Variants in RTN1 observed in about 807,000 individuals in gnomAD.
The protein encoded by RTN1 is reticulon-1.
Under a neutral mutation model 65.5 loss-of-function variants are expected in RTN1, and 25 were observed. The observed-to-expected ratio is 0.38, with a 90% CI of 0.28 to 0.53. RTN1 has a LOEUF of 0.53. Among genes scored for constraint, RTN1 ranks in the 20% least tolerant of loss-of-function variants. The pLI, the probability that RTN1 is intolerant of heterozygous loss-of-function variation, is 0.79. For missense variants in RTN1, 983 were observed against 1,025.4 expected, an observed-to-expected ratio of 0.96 and a Z score of 0.57; for synonymous variants, 471 against 447.6, an observed-to-expected ratio of 1.05 and a Z score of -0.66.
At chr14:59,799,245 T>C (rs1279949299) in intron 1 of RTN1, among the ~76,000 whole-genome samples, 3 of 152,314 alleles carry the variant, frequency 2.0e-5, no homozygotes, top group South Asian at 2.1e-4. Context: ...AAATACCTTA[T>C]AGAATGAGAA....
chr14:59,602,964 C>G, intron 8 of RTN1, 101 bp downstream of exon 8: 1 of 796,378 alleles, frequency 1.3e-6, no homozygotes, highest in South Asian at 1.9e-5. Flanking sequence ...GACCATAAAT[C>G]AATCTATCAT....
chr14:59,663,931 C>G (rs1425230432), intron 3 of RTN1, among the ~76,000 whole-genome samples: 1 of 152,008 alleles, frequency 6.6e-6, no homozygotes, highest in Non-Finnish European at 1.5e-5. Flanking sequence ...GATCTAGAAC[C>G]AGAAACATCA....
chr14:59,675,352 G>A, intron 3 of RTN1, among the ~76,000 whole-genome samples: 1 of 151,214 alleles, frequency 6.6e-6, no homozygotes, highest in East Asian at 1.9e-4. Context: ...AAAGACAGAA[G>A]TCAGAATGCT....
intron 3 of RTN1, among the ~76,000 whole-genome samples, chr14:59,683,785 A>G (rs1883790633): frequency 6.6e-6 from 1 of 152,086 alleles, no homozygotes. Context: ...TAGTCAGATA[A>G]GAGTTTTGGG....
chr14:59,712,745 C>T (rs1884450065), intron 3 of RTN1, among the ~76,000 whole-genome samples: 1 of 152,048 alleles, frequency 6.6e-6, no homozygotes, highest in African/African-American at 2.4e-5. Context: ...AACCCTGTCT[C>T]TACTAAAAAT....
At chr14:59,668,525 T>C (rs1212654409) in intron 3 of RTN1, among the ~76,000 whole-genome samples, 1 of 152,106 alleles carries the variant, frequency 6.6e-6, no homozygotes, top group Non-Finnish European at 1.5e-5. Flanking sequence ...GGCAATACCA[T>C]TCAGGACATA....
At chr14:59,833,576 C>G (rs35490507) in intron 1 of RTN1, among the ~76,000 whole-genome samples, 43,452 of 151,850 alleles carry the variant, frequency 0.29, 6,438 homozygotes, top group East Asian at 0.55. Context: ...GTACAGGTTT[C>G]TTACATGGGT....
At chr14:59,842,145 G>GAAAAAAAAAAA (rs747807111) in intron 1 of RTN1, among the ~76,000 whole-genome samples, 1 of 124,314 alleles carries the variant, frequency 8.0e-6, no homozygotes. Flanking sequence ...TTTTAAAAAA[G>GAAAAAAAAAAA]AAAAAAAAAA....
At chr14:59,733,178 G>T (rs547852106) in intron 2 of RTN1, among the ~76,000 whole-genome samples, 1 of 151,394 alleles carries the variant, frequency 6.6e-6, no homozygotes, top group African/African-American at 2.4e-5. Flanking sequence ...TGTAACCTCC[G>T]CCTCCCGGGT....
intron 1 of RTN1, among the ~76,000 whole-genome samples, chr14:59,824,234 G>A (rs1300774436): frequency 2.0e-5 from 3 of 152,112 alleles, no homozygotes; most frequent in South Asian, 2.1e-4. Context: ...TAAGTTTTAT[G>A]TATTCTAATA....
intron 3 of RTN1, among the ~76,000 whole-genome samples, chr14:59,623,493 G>A (rs1195751499): frequency 1.3e-5 from 2 of 152,236 alleles, no homozygotes; most frequent in African/African-American, 4.8e-5. Context: ...GGGATCAAAG[G>A]AAGAGATGGT....
chr14:59,767,387 T>A (rs557140605), intron 1 of RTN1, among the ~76,000 whole-genome samples: 1 of 152,166 alleles, frequency 6.6e-6, no homozygotes, highest in South Asian at 2.1e-4. Flanking sequence ...CCCAAAGGGG[T>A]GATGAGCAGA....
intron 3 of RTN1, among the ~76,000 whole-genome samples, chr14:59,676,492 C>T (rs561219112): frequency 5.9e-5 from 9 of 152,028 alleles, no homozygotes; most frequent in African/African-American, 9.7e-5. Context: ...GAAGCATTAA[C>T]GAAATTATGT....
At position 59,794,948 on chromosome 14, in the gene RTN1, A is replaced by C. The variant is rs964283508; in HGVS notation, c.242-48467T>G. ...GATACTGGAGGAAACCTAGCAGCTT[A>C]TGTACCTTGAACTTTACACAGATTG... On this transcript the variant is annotated intron_variant, in intron 1 of 8. Coordinates refer to ENST00000267484, the MANE Select transcript of RTN1 (RefSeq NM_021136.3). The surrounding 1 kb of genome is among the most constrained non-coding windows in gnomAD (Gnocchi z 5.1). Among the ~76,000 whole-genome samples the C allele has an allele frequency of 6.6e-6, 1 of 152,216 alleles. No homozygotes were observed. Among genetic ancestry groups the C allele is most frequent in the Non-Finnish European group, 1.5e-5 (1 of 68,044 alleles).
Position 59,805,065 on chromosome 14 carries a change from T to C in RTN1, c.242-58584A>G, listed in dbSNP as rs117875710. Among the ~76,000 whole-genome samples, 150 of 152,330 alleles carry C rather than the reference T, an allele frequency of 9.8e-4. 2 individuals carry two copies. The East Asian group carries it at 0.025, about 25-fold the overall frequency. On this transcript the variant is annotated intron_variant, in intron 1 of 8. Transcript: ENST00000267484. ...CCAAACACATTCCCGTCTTGAGGAC[T>C]TTGCACTTCTTCCAGCTACCTGGAA...
At chr14:59,754,394 C>T (rs952926906) in intron 1 of RTN1, among the ~76,000 whole-genome samples, 3 of 152,170 alleles carry the variant, frequency 2.0e-5, no homozygotes, top group African/African-American at 7.2e-5. Context: ...CAAGGAAAAG[C>T]TTTAATCCTA....
intron 3 of RTN1, among the ~76,000 whole-genome samples, chr14:59,679,991 C>G (rs1883712244): frequency 6.6e-6 from 1 of 152,150 alleles, no homozygotes; most frequent in Non-Finnish European, 1.5e-5. Context: ...GTGTGTTGTG[C>G]AACCTCTACA....
At chr14:59,678,979 G>A (rs1412016238) in intron 3 of RTN1, among the ~76,000 whole-genome samples, 2 of 152,158 alleles carry the variant, frequency 1.3e-5, no homozygotes, top group Admixed American at 6.5e-5. Flanking sequence ...ATCTAACTCT[G>A]TTGGGTTCTT....
At chr14:59,831,732 A>ACATATATATATATTCCATATATATAATC (rs1887127614) in intron 1 of RTN1, among the ~76,000 whole-genome samples, 3 of 152,094 alleles carry the variant, frequency 2.0e-5, no homozygotes, top group South Asian at 2.1e-4. Context: ...GTAGGGCAGG[A>ACATATATATATATTCCATATATATAATC]CATATATATA....
Sources: allele counts gnomAD v4.1 joint callset (sites outside exome capture counted in the v4.1 genomes callset), GRCh38; gene constraint gnomAD v4.1.1; non-coding constraint Gnocchi (gnomAD v3.1); transcripts MANE v1.5; gene names NCBI Gene and HGNC (gene_info 2026-07-23, HGNC 2026-07-21).